Variants in SYCP2 observed in about 807,000 individuals in gnomAD.
SYCP2 encodes synaptonemal complex lateral element protein.
SYCP2 carries 55 observed loss-of-function variants against 211.3 expected under a neutral mutation model. That is an observed-to-expected ratio of 0.26 (90% CI 0.21 to 0.33). The LOEUF is 0.33. Among genes scored for constraint, SYCP2 ranks in the 10% least tolerant of loss-of-function variants. The probability of loss-of-function intolerance (pLI) is 1.00; values close to 1 mark genes in which losing one functional copy is unlikely to be tolerated. For missense variants in SYCP2, 1,731 were observed against 1,752.0 expected, an observed-to-expected ratio of 0.99 and a Z score of 0.21; for synonymous variants, 570 against 555.2, an observed-to-expected ratio of 1.03 and a Z score of -0.37.
Position 59,922,426 on chromosome 20 carries a change from TAAAAA to T in SYCP2, c.-18_-14del, listed in dbSNP as rs376461462. 5 of 1,428,082 alleles carry T rather than the reference TAAAAA, an allele frequency of 3.5e-6. No homozygotes were observed. The highest frequency in any genetic ancestry group is 1.3e-5 in the South Asian group (1 of 76,086). 88.5% of individuals were successfully genotyped at this position (1,428,082 alleles called of 1,614,324 possible). On this transcript the variant is annotated 5_prime_UTR_variant, in exon 3 of 45. Coordinates refer to ENST00000357552, the MANE Select transcript of SYCP2 (RefSeq NM_014258.4). Reference sequence around the variant, plus strand: ...GTCTTATTGGCATTTTGACTTCATTTAAAAAAAAAAAAAAAGCAAGACAAAATAAA... The same window carrying T: ...GTCTTATTGGCATTTTGACTTCATTTAAAAAAAAAAGCAAGACAAAATAAA...
chr20:59,898,499 A>G (rs2060053601), intron 18 of SYCP2, among the ~76,000 whole-genome samples: 1 of 152,164 alleles, frequency 6.6e-6, no homozygotes, highest in Non-Finnish European at 1.5e-5. Flanking sequence ...GTTCTCACTC[A>G]TAAGTGGGAG....
In SYCP2 at chr20:59,933,578, GA is replaced by G. The variant is rs2060817161; in HGVS notation, c.-150del. ...ACTCTGCTCAACCTGCCTGCGGCAGGAGGCGTCCGCGTAGTGTCGGTGGAGC... is the reference window on the plus strand; with the variant it reads ...ACTCTGCTCAACCTGCCTGCGGCAGGGGCGTCCGCGTAGTGTCGGTGGAGC... On this transcript the variant is annotated 5_prime_UTR_variant, in exon 1 of 45. Transcript: ENST00000357552. The G allele has an allele frequency of 6.6e-6, 1 of 152,144 alleles. No homozygotes were observed. The highest frequency in any genetic ancestry group is 1.5e-5 in the Non-Finnish European group (1 of 68,026). The allele number at this position is 152,144 out of a possible 1,614,324, so 9.4% of individuals were successfully genotyped here.
chr20:59,914,182 A>C lies in SYCP2; in HGVS notation c.704T>G (p.Leu235Arg). The C allele has an allele frequency of 6.2e-7, 1 of 1,605,036 alleles. No homozygotes were observed. Among genetic ancestry groups the C allele is most frequent in the Non-Finnish European group, 8.5e-7 (1 of 1,173,588 alleles). ...RMTTEKQRQE[L>R]AHQWFSMDFI... ...ATCCATTGAAAACCACTGATGTGCCAGTTCTTGTCTTTGTTTTTCTGTGGT... is the reference window on the plus strand; with the variant it reads ...ATCCATTGAAAACCACTGATGTGCCCGTTCTTGTCTTTGTTTTTCTGTGGT... Residue 235 changes from leucine to arginine, a missense_variant, in exon 11 of 45, where the codon CTG (leucine) becomes CGG (arginine). Transcript: ENST00000357552.
intron 35 of SYCP2, among the ~76,000 whole-genome samples, chr20:59,872,566 G>A (rs2059473750): frequency 6.6e-6 from 1 of 152,004 alleles, no homozygotes; most frequent in East Asian, 1.9e-4. Flanking sequence ...TCATAGGTAT[G>A]TATGTATAGG....
chr20:59,923,572 G>A lies in SYCP2; in HGVS notation c.-46-1113C>T, dbSNP rs73623747. Among the ~76,000 whole-genome samples, 20 of 151,662 alleles carry A rather than the reference G, an allele frequency of 1.3e-4. No individual in the cohort carries two copies. In the East Asian group the frequency reaches 3.7e-3, roughly 28 times the overall value. ...TTTTTAATTAGCTGGGTATAGTGGT[G>A]TGTGCCTGTAATCCCAGCTACTCTG... On this transcript the variant is annotated intron_variant, in intron 2 of 44. Coordinates refer to ENST00000357552, the MANE Select transcript of SYCP2 (RefSeq NM_014258.4).
chr20:59,883,832 A>G (rs1247736821), intron 26 of SYCP2, among the ~76,000 whole-genome samples: 1 of 152,070 alleles, frequency 6.6e-6, no homozygotes, highest in African/African-American at 2.4e-5. Flanking sequence ...TATATAATAC[A>G]GTATTGTATT....
chr20:59,871,580 A>C (rs2059452314), intron 35 of SYCP2, among the ~76,000 whole-genome samples: 1 of 151,900 alleles, frequency 6.6e-6, no homozygotes. Context: ...GGCATACTGA[A>C]GGGATTAAAG....
intron 16 of SYCP2, among the ~76,000 whole-genome samples, chr20:59,901,051 C>A (rs2145780853): frequency 6.6e-6 from 1 of 152,188 alleles, no homozygotes. Context: ...CTCACAAATA[C>A]ATCTAATATT....
intron 18 of SYCP2, among the ~76,000 whole-genome samples, chr20:59,899,836 C>T (rs2060080867): frequency 6.6e-6 from 1 of 152,008 alleles, no homozygotes. Flanking sequence ...TTCTATTCTA[C>T]ATTATAGCCA....
intron 2 of SYCP2, among the ~76,000 whole-genome samples, chr20:59,930,884 C>T (rs919234659): frequency 1.3e-5 from 2 of 152,034 alleles, no homozygotes; most frequent in South Asian, 2.1e-4. Context: ...AAATTTGATA[C>T]ATTTTGAGTA....
chr20:59,872,818 T>G (rs2059479224), intron 35 of SYCP2, among the ~76,000 whole-genome samples: 1 of 152,100 alleles, frequency 6.6e-6, no homozygotes, highest in East Asian at 1.9e-4. Context: ...CTTTCAGATT[T>G]CACCATAATT....
intron 1 of SYCP2, 62 bp from the exon 2 acceptor site, chr20:59,932,216 G>C (rs550324467): frequency 5.3e-5 from 8 of 152,230 alleles, no homozygotes; most frequent in Admixed American, 1.3e-4. Context: ...TTGGCAGATG[G>C]GGGAGGCAAA....
Position 59,874,054 on chromosome 20 carries a change from C to G in SYCP2, c.3357G>C (p.Glu1119Asp), listed in dbSNP as rs768275969. Residue 1119 changes from glutamate to aspartate, a missense_variant, in exon 35 of 45, where the codon GAG becomes GAC. This residue lies in a region of SYCP2 where 1,387 missense variants were observed against 1,351.3 expected (regional missense o/e 1.03). Coordinates refer to ENST00000357552, the MANE Select transcript of SYCP2 (RefSeq NM_014258.4). ...PSSIEVTRCI[E>D]KITEKDFTQD... The stretch of plus-strand genomic sequence containing the variant: ...GAGTAAAATCCTTTTCTGTTATTTT[C>G]TCTATACCTATATTGCATCAAAATA... 6 of 1,579,590 alleles carry G rather than the reference C, an allele frequency of 3.8e-6. No homozygotes were observed. The highest frequency in any genetic ancestry group is 5.2e-6 in the Non-Finnish European group (6 of 1,159,036).
chr20:59,892,140 T>G lies in SYCP2; in HGVS notation c.2214A>C (p.Ile738=). 6.2e-7 allele frequency: 1 copy of G among 1,612,210 alleles called. No individual in the cohort carries two copies. Among genetic ancestry groups the G allele is most frequent in the Non-Finnish European group, 8.5e-7 (1 of 1,178,960 alleles). Residue 738 remains isoleucine, a synonymous_variant, in exon 24 of 45, where the codon ATA becomes ATC. Coordinates refer to ENST00000357552, the MANE Select transcript of SYCP2 (RefSeq NM_014258.4). ...TTGACAATATGTATTTCTTCCTATATATCAGCGATTCTTCAATTGTCTTAT... is the reference window on the plus strand; with the variant it reads ...TTGACAATATGTATTTCTTCCTATAGATCAGCGATTCTTCAATTGTCTTAT... The part of the protein sequence containing the change: ...LLNKTIEESL[I]YRKKYILSKD...
chr20:59,876,419 TG>T (rs2059560848), intron 33 of SYCP2, among the ~76,000 whole-genome samples: 1 of 68,398 alleles, frequency 1.5e-5, no homozygotes, highest in African/African-American at 4.9e-5. Flanking sequence ...AAAGAAGAAG[TG>T]ATAGAAAATG....
chr20:59,880,408 C>A lies in SYCP2; in HGVS notation c.2836G>T (p.Asp946Tyr). 6.2e-7 allele frequency: 1 copy of A among 1,601,452 alleles called. No homozygotes were observed. Among genetic ancestry groups the A allele is most frequent in the Non-Finnish European group, 8.5e-7 (1 of 1,171,526 alleles). The change falls in exon 31 of 45, where the codon GAC becomes TAC. Residue 946 changes from aspartate to tyrosine, a missense_variant. Physicochemically the swap from Asp to Tyr is radical, Grantham distance 160. Around this residue, in one of 3 missense-constraint regions of SYCP2, gnomAD observed 1,387 missense variants for 1,351.3 expected, o/e 1.03. Transcript: ENST00000357552. ...SDTETEYRCDDSKTDISWLRE... is the reference protein window; with the variant it reads ...SDTETEYRCDYSKTDISWLRE... The stretch of plus-strand genomic sequence containing the variant: ...AGCCAGCTAATATCAGTCTTGCTGT[C>A]ATCACATCTGTACTCTGTTTCAGTA...
In SYCP2 at chr20:59,868,558, T is replaced by C. The variant is rs746978463; in HGVS notation, c.3843A>G (p.Gln1281=). ...CDATHVSGPT[Q]HLSRKRIYIE... ...TATATATTCTTTTGCGACTAAGATG[T>C]TGGGTGGGGCCTTAGGAACAGTTAA... The change falls in exon 38 of 45, where the codon CAA becomes CAG. Residue 1281 remains glutamine, a synonymous_variant. Transcript: ENST00000357552. The C allele has an allele frequency of 1.9e-6, 3 of 1,601,982 alleles. No homozygotes were observed. Among genetic ancestry groups the C allele is most frequent in the Non-Finnish European group, 2.6e-6 (3 of 1,176,438 alleles).
intron 15 of SYCP2, among the ~76,000 whole-genome samples, chr20:59,905,860 G>C (rs1485813185): frequency 6.6e-6 from 1 of 152,118 alleles, no homozygotes; most frequent in African/African-American, 2.4e-5. Flanking sequence ...ACATTGCACT[G>C]GAGGTTCTAT....
chr20:59,902,504 T>C (rs2060133325), intron 15 of SYCP2, among the ~76,000 whole-genome samples: 1 of 151,970 alleles, frequency 6.6e-6, no homozygotes, highest in Admixed American at 6.6e-5. Context: ...GAATGAAAAG[T>C]CTCCAACCCT....
Sources: allele counts gnomAD v4.1 joint callset (sites outside exome capture counted in the v4.1 genomes callset), GRCh38; gene constraint gnomAD v4.1.1; regional missense constraint gnomAD v4.1.1; transcripts MANE v1.5; gene names NCBI Gene and HGNC (gene_info 2026-07-23, HGNC 2026-07-21).